MALRD1: variants seen among roughly 807,000 people sequenced by gnomAD.
MALRD1 encodes the protein MAM and LDL receptor class A domain containing 1, also known as MAM and LDL-receptor class A domain-containing protein 1.
A neutral mutation model predicts 242.1 loss-of-function variants in MALRD1; 247 were observed. The observed-to-expected ratio is 1.02, with a 90% confidence interval of 0.92 to 1.13. The LOEUF (loss-of-function observed/expected upper bound fraction) is 1.13, where lower values mean the gene tolerates loss of function less well. Ranked by LOEUF, MALRD1 falls within the 50% of genes most tolerant of loss-of-function variation. MALRD1 has a pLI of 0.00. For missense variants in MALRD1, 2,989 were observed against 2,533.1 expected (o/e 1.18, Z -3.86); for synonymous variants, 995 against 866.6 (o/e 1.15, Z -2.60).
At chr10:19,587,111 C>G (rs1394148336) in intron 33 of MALRD1, among the ~76,000 whole-genome samples, 1 of 152,196 alleles carries the variant, frequency 6.6e-6, no homozygotes, top group East Asian at 1.9e-4. Context: ...CACCCACTGA[C>G]CTGCGTCCAC....
chr10:19,120,486 T>A (rs1469693829), intron 5 of MALRD1, among the ~76,000 whole-genome samples: 1 of 152,116 alleles, frequency 6.6e-6, no homozygotes, highest in Non-Finnish European at 1.5e-5. Context: ...TGCTACAACA[T>A]GGATGAACCT....
chr10:19,477,485 TAAAC>T (rs1405393624), intron 29 of MALRD1, among the ~76,000 whole-genome samples: 1 of 142,156 alleles, frequency 7.0e-6, no homozygotes, highest in Admixed American at 7.0e-5. Context: ...AATAAATAAA[TAAAC>T]ACAATAATTG....
chr10:19,472,313 C>T, intron 29 of MALRD1, among the ~76,000 whole-genome samples: 1 of 151,880 alleles, frequency 6.6e-6, no homozygotes, highest in East Asian at 1.9e-4. Flanking sequence ...TAGAGCTTTG[C>T]TGAGGATTTT....
intron 32 of MALRD1, among the ~76,000 whole-genome samples, chr10:19,534,698 G>A (rs142053488): frequency 7.5e-4 from 114 of 152,230 alleles, no homozygotes; most frequent in South Asian, 1.7e-3. Flanking sequence ...TGGTGTGGAT[G>A]TAAAGAAACA....
intron 29 of MALRD1, among the ~76,000 whole-genome samples, chr10:19,461,875 G>T (rs558578952): frequency 6.6e-6 from 1 of 152,058 alleles, no homozygotes; most frequent in Admixed American, 6.6e-5. Flanking sequence ...TCTGTGGAAC[G>T]TCCATCTCTA....
chr10:19,063,668 T>G (rs923237108), intron 1 of MALRD1, among the ~76,000 whole-genome samples: 1 of 152,118 alleles, frequency 6.6e-6, no homozygotes. Flanking sequence ...TGCCACATTT[T>G]CTTAATCCAG....
chr10:19,697,746 C>T (rs781208559), intron 38 of MALRD1, among the ~76,000 whole-genome samples: 19 of 152,158 alleles, frequency 1.2e-4, no homozygotes, highest in Non-Finnish European at 2.2e-4. Flanking sequence ...TTCTATTTCT[C>T]TCATTTTCTT....
At chr10:19,688,302 C>A (rs139859139) in intron 36 of MALRD1, among the ~76,000 whole-genome samples, 6 of 152,146 alleles carry the variant, frequency 3.9e-5, no homozygotes, top group Non-Finnish European at 8.8e-5. Context: ...CAGGGTCTTG[C>A]TCTGTCACCC....
intron 29 of MALRD1, among the ~76,000 whole-genome samples, chr10:19,469,337 C>T (rs2131131438): frequency 6.6e-6 from 1 of 152,150 alleles, no homozygotes. Context: ...ACTACCATGT[C>T]TTTTATGATA....
chr10:19,535,467 G>GTA (rs1045605009), intron 32 of MALRD1, among the ~76,000 whole-genome samples: 2 of 149,580 alleles, frequency 1.3e-5, no homozygotes, highest in East Asian at 4.0e-4. Flanking sequence ...ATAAATATAT[G>GTA]TATATATGTG....
chr10:19,136,024 G>GT (rs1292715542), intron 9 of MALRD1, among the ~76,000 whole-genome samples: 1 of 152,104 alleles, frequency 6.6e-6, no homozygotes, highest in African/African-American at 2.4e-5. Flanking sequence ...GTTGAATAGA[G>GT]TTTTATGTTT....
chr10:19,060,282 C>T (rs1444834126), intron 1 of MALRD1, among the ~76,000 whole-genome samples: 1 of 152,162 alleles, frequency 6.6e-6, no homozygotes, highest in Non-Finnish European at 1.5e-5. Context: ...CATTGTGGTT[C>T]CTCTGTGCCG....
intron 25 of MALRD1, among the ~76,000 whole-genome samples, chr10:19,349,695 A>G (rs1844288779): frequency 6.6e-6 from 1 of 152,228 alleles, no homozygotes; most frequent in Non-Finnish European, 1.5e-5. Context: ...GTATATATCT[A>G]TAAATTTAGC....
At chr10:19,277,762 C>G (rs1840602262) in intron 19 of MALRD1, among the ~76,000 whole-genome samples, 1 of 152,154 alleles carries the variant, frequency 6.6e-6, no homozygotes, top group Non-Finnish European at 1.5e-5. Context: ...TGCATTTGAG[C>G]TAAGAAATAA....
chr10:19,724,701 T>C (rs1834935197), intron 38 of MALRD1, among the ~76,000 whole-genome samples: 1 of 152,150 alleles, frequency 6.6e-6, no homozygotes, highest in Non-Finnish European at 1.5e-5. Flanking sequence ...TAGGGATAAA[T>C]GTAGTTATCA....
At chr10:19,691,341 G>A (rs1564544744) in intron 36 of MALRD1, among the ~76,000 whole-genome samples, 1 of 151,980 alleles carries the variant, frequency 6.6e-6, no homozygotes, top group Non-Finnish European at 1.5e-5. Flanking sequence ...TTTTGTGAAG[G>A]AATTACTTTT....
At chr10:19,631,799 G>T (rs1477588462) in intron 36 of MALRD1, among the ~76,000 whole-genome samples, 2 of 152,124 alleles carry the variant, frequency 1.3e-5, no homozygotes, top group African/African-American at 4.8e-5. Context: ...CTTTTGAAAA[G>T]TGTGTTCATG....
chr10:19,454,709 CACGT>C (rs1835542571), intron 29 of MALRD1, among the ~76,000 whole-genome samples: 1 of 104,090 alleles, frequency 9.6e-6, no homozygotes, highest in Admixed American at 1.1e-4. Flanking sequence ...TGTCCGTGCA[CACGT>C]ACACACACAC....
chr10:19,544,079 A>G (rs1835100604), intron 32 of MALRD1, among the ~76,000 whole-genome samples: 1 of 151,122 alleles, frequency 6.6e-6, no homozygotes, highest in Admixed American at 6.6e-5. Flanking sequence ...GTCTTTTTAT[A>G]TGTGTTGTGG....
Sources: allele counts gnomAD v4.1 joint callset (sites outside exome capture counted in the v4.1 genomes callset), GRCh38; gene constraint gnomAD v4.1.1; transcripts MANE v1.5; gene names NCBI Gene and HGNC (gene_info 2026-07-23, HGNC 2026-07-21).